The following SUPT3H variants were observed in gnomAD, a reference collection of about 807,000 sequenced individuals.
SUPT3H encodes the protein SPT3 homolog, SAGA and STAGA complex component, also known as transcription initiation protein SPT3 homolog.
SUPT3H carries 44 observed loss-of-function variants against 44.3 expected under a neutral mutation model. That is an observed-to-expected ratio of 0.99 (90% CI 0.78 to 1.28). The LOEUF (loss-of-function observed/expected upper bound fraction) is 1.28, where lower values mean the gene tolerates loss of function less well. SUPT3H is among the 50% of genes most tolerant of loss of function. SUPT3H has a pLI of 0.00. For synonymous variants in SUPT3H, 124 were observed against 125.6 expected (o/e 0.99, Z 0.09); for missense variants, 380 against 387.1 (o/e 0.98, Z 0.15).
At chr6:45,350,044 C>T (rs566290664) in intron 2 of SUPT3H, among the ~76,000 whole-genome samples, 1 of 152,212 alleles carries the variant, frequency 6.6e-6, no homozygotes, top group South Asian at 2.1e-4. Context: ...TGTAAAGATA[C>T]ATACAATTAA....
At chr6:45,155,045 T>A (rs1246487065) in intron 2 of SUPT3H, among the ~76,000 whole-genome samples, 2 of 152,164 alleles carry the variant, frequency 1.3e-5, no homozygotes, top group Non-Finnish European at 1.5e-5. Flanking sequence ...TTGAAAAAAA[T>A]GGCACAACAA....
At position 44,878,655 on chromosome 6, in the gene SUPT3H, C is replaced by G. The variant is rs1054398994; in HGVS notation, c.913-48798G>C. On this transcript the variant is annotated intron_variant, in intron 10 of 10. Transcript: ENST00000371459. ...TGGCAAGATGGCTGAATAGGAACCA[C>G]TCTGGTCTACAGCTCCCAGTGAGAT... Among the ~76,000 whole-genome samples, 5 of 152,268 alleles carry G rather than the reference C, an allele frequency of 3.3e-5. No individual in the cohort carries two copies. The East Asian group carries it at 9.7e-4, about 29-fold the overall frequency.
At chr6:44,858,932 G>A (rs1409957084) in intron 10 of SUPT3H, among the ~76,000 whole-genome samples, 4 of 152,078 alleles carry the variant, frequency 2.6e-5, no homozygotes, top group South Asian at 2.1e-4. Flanking sequence ...CATCCAGGAT[G>A]ACAAAAAGCC....
At chr6:45,165,123 T>C (rs776538425) in intron 2 of SUPT3H, among the ~76,000 whole-genome samples, 1 of 152,182 alleles carries the variant, frequency 6.6e-6, no homozygotes, top group Non-Finnish European at 1.5e-5. Context: ...AGCAGTTTAC[T>C]GCTAGGGGAA....
At chr6:45,120,453 C>CAAAAAAAAAAAAAAAAAAAAAAA (rs1801499019) in intron 2 of SUPT3H, among the ~76,000 whole-genome samples, 1 of 95,912 alleles carries the variant, frequency 1.0e-5, no homozygotes, top group Admixed American at 1.1e-4. Context: ...ACTATATAAG[C>CAAAAAAAAAAAAAAAAAAAAAAA]ATATATCCAA....
At chr6:45,293,034 A>G (rs1006560016) in intron 2 of SUPT3H, among the ~76,000 whole-genome samples, 1 of 152,116 alleles carries the variant, frequency 6.6e-6, no homozygotes, top group Non-Finnish European at 1.5e-5. Flanking sequence ...CAGAATATAC[A>G]TTCTATTCAA....
rs115030093 is a variant in SUPT3H at position 44,966,495 on chromosome 6, T to C, written c.505-4667A>G. On this transcript the variant is annotated intron_variant, in intron 6 of 10. Coordinates refer to ENST00000371459, the MANE Select transcript of SUPT3H (RefSeq NM_003599.4). ...GAGTAAGCAGTTTTATTAGTTTCAT[T>C]TTACAAATGAAGACACTGATTTAGA... is the stretch of plus-strand genomic sequence containing the variant. Among the ~76,000 whole-genome samples the C allele has an allele frequency of 4.8e-3, 723 of 151,820 alleles. 4 individuals carry two copies. The highest frequency in any genetic ancestry group is 0.017 in the African/African-American group (690 of 41,522).
chr6:45,194,683 C>T (rs1584180137), intron 2 of SUPT3H, among the ~76,000 whole-genome samples: 1 of 152,034 alleles, frequency 6.6e-6, no homozygotes, highest in African/African-American at 2.4e-5. Flanking sequence ...AATAAAAATA[C>T]ATTAATTCTA....
chr6:45,142,015 G>A (rs193146034), intron 2 of SUPT3H, among the ~76,000 whole-genome samples: 4 of 152,214 alleles, frequency 2.6e-5, no homozygotes, highest in South Asian at 2.1e-4. Flanking sequence ...TAACCTATAA[G>A]GGAAATTTCC....
chr6:44,891,386 A>C (rs1282081086), intron 10 of SUPT3H, among the ~76,000 whole-genome samples: 2 of 152,188 alleles, frequency 1.3e-5, no homozygotes, highest in Non-Finnish European at 2.9e-5. Context: ...TGACTAAAAC[A>C]AATGTGGTTT....
intron 3 of SUPT3H, among the ~76,000 whole-genome samples, chr6:45,082,720 T>C (rs1275426355): frequency 6.6e-6 from 1 of 152,138 alleles, no homozygotes; most frequent in Non-Finnish European, 1.5e-5. Context: ...GAACAAAGTA[T>C]GGATGCTCAC....
intron 2 of SUPT3H, among the ~76,000 whole-genome samples, chr6:45,312,688 G>A (rs1490854230): frequency 1.5e-5 from 2 of 137,546 alleles, no homozygotes; most frequent in Admixed American, 7.3e-5. Context: ...AATGTGGGGG[G>A]GGGGGGGGAC....
intron 7 of SUPT3H, among the ~76,000 whole-genome samples, chr6:44,959,025 A>C (rs187872514): frequency 5.9e-4 from 89 of 151,874 alleles, no homozygotes; most frequent in Non-Finnish European, 8.8e-5. Flanking sequence ...ACAGGCATGC[A>C]CCACCACGCC....
At chr6:45,364,959 T>C (rs1563029873) in intron 2 of SUPT3H, among the ~76,000 whole-genome samples, 1 of 152,202 alleles carries the variant, frequency 6.6e-6, no homozygotes, top group Non-Finnish European at 1.5e-5. Context: ...ACCTGATTAT[T>C]CATTCTATCA....
At chr6:45,092,794 C>G (rs1797314591) in intron 3 of SUPT3H, among the ~76,000 whole-genome samples, 1 of 150,360 alleles carries the variant, frequency 6.7e-6, no homozygotes, top group Admixed American at 6.6e-5. Context: ...TATTCTAGTG[C>G]TTCAAATATA....
At chr6:45,292,154 G>C (rs1780411576) in intron 2 of SUPT3H, among the ~76,000 whole-genome samples, 1 of 152,092 alleles carries the variant, frequency 6.6e-6, no homozygotes, top group Admixed American at 6.5e-5. Flanking sequence ...CAAACAAAAT[G>C]ATTTTTGTCA....
intron 10 of SUPT3H, among the ~76,000 whole-genome samples, chr6:44,893,940 T>C (rs36174297): frequency 1.4e-5 from 2 of 142,388 alleles, no homozygotes; most frequent in Non-Finnish European, 1.6e-5. Context: ...GGTATCTCAT[T>C]GTGGTTTTGA....
At chr6:44,943,004 T>C (rs1424570820) in intron 9 of SUPT3H, among the ~76,000 whole-genome samples, 1 of 152,076 alleles carries the variant, frequency 6.6e-6, no homozygotes, top group Non-Finnish European at 1.5e-5. Context: ...CAATTCAAAA[T>C]TACCAGACAT....
intron 2 of SUPT3H, among the ~76,000 whole-genome samples, chr6:45,155,130 T>C (rs1468561669): frequency 6.6e-6 from 1 of 152,158 alleles, no homozygotes; most frequent in Non-Finnish European, 1.5e-5. Flanking sequence ...AACTTCCTAT[T>C]TCAAATATAT....
Sources: allele counts gnomAD v4.1 joint callset (sites outside exome capture counted in the v4.1 genomes callset), GRCh38; gene constraint gnomAD v4.1.1; transcripts MANE v1.5; gene names NCBI Gene and HGNC (gene_info 2026-07-23, HGNC 2026-07-21).